Variants in FLT3 observed in about 807,000 individuals in gnomAD.
FLT3 encodes the protein receptor-type tyrosine-protein kinase FLT3.
A neutral mutation model predicts 126.6 loss-of-function variants in FLT3; 46 were observed. The ratio of observed to expected loss-of-function variants is 0.36; its 90% CI spans 0.29 to 0.46. The LOEUF is 0.46. Ranked by LOEUF, FLT3 falls within the 20% of genes least tolerant of loss-of-function variation. The pLI is 1.00. For missense variants in FLT3, 1,069 were observed against 1,190.3 expected (o/e 0.90, Z 1.50); for synonymous variants, 404 against 434.4 (o/e 0.93, Z 0.87).
At chr13:28,025,232 G>T in intron 17 of FLT3, 1 of 439,330 alleles carries the variant, frequency 2.3e-6, no homozygotes, top group South Asian at 2.4e-5. Context: ...TTTTATAAAA[G>T]AGAAATTAGG....
In FLT3 at chr13:28,027,326, G is replaced by A. The variant is rs555975351; in HGVS notation, c.2054-85C>T. 29 of 1,092,072 alleles carry A rather than the reference G, an allele frequency of 2.7e-5. No homozygotes were observed. In the Middle Eastern group the frequency reaches 1.6e-3, roughly 59 times the overall value. 67.6% of individuals were successfully genotyped at this position (1,092,072 alleles called of 1,614,324 possible). On this transcript the variant is annotated intron_variant, in intron 16 of 23. Coordinates refer to ENST00000241453, the MANE Select transcript of FLT3 (RefSeq NM_004119.3). ...CTATGTAGCAGACAACATACTCTTA[G>A]GAGGGCTTGGTTCTCTGCTGACTTG...
intron 1 of FLT3, among the ~76,000 whole-genome samples, chr13:28,089,500 T>G (rs1220721271): frequency 2.0e-5 from 3 of 151,986 alleles, no homozygotes; most frequent in Admixed American, 1.3e-4. Context: ...CTGAGGCCTA[T>G]CCATACAATA....
At chr13:28,019,038 G>A (rs1254050872) in intron 19 of FLT3, among the ~76,000 whole-genome samples, 1 of 151,218 alleles carries the variant, frequency 6.6e-6, no homozygotes, top group African/African-American at 2.4e-5. Context: ...CGTGATCTCG[G>A]CTCACTGCAA....
At chr13:28,005,443 T>G (rs886390990) in intron 23 of FLT3, among the ~76,000 whole-genome samples, 1 of 152,250 alleles carries the variant, frequency 6.6e-6, no homozygotes, top group Non-Finnish European at 1.5e-5. Flanking sequence ...TTTTGGAACC[T>G]TATTTTGAAT....
chr13:28,058,908 G>A (rs550806920), intron 3 of FLT3, among the ~76,000 whole-genome samples: 3 of 152,200 alleles, frequency 2.0e-5, no homozygotes, highest in African/African-American at 4.8e-5. Flanking sequence ...TTTGGGAGGC[G>A]AGGTAGGAGG....
chr13:28,045,868 A>G (rs1380659704), intron 9 of FLT3, among the ~76,000 whole-genome samples: 3 of 148,878 alleles, frequency 2.0e-5, no homozygotes, highest in Admixed American at 6.8e-5. Flanking sequence ...AAAAAAAAAA[A>G]AGCTTGATAT....
rs775755684 is a variant in FLT3, at chr13:28,034,366, T to G, written c.1639A>C (p.Thr547Pro). The G allele has an allele frequency of 6.2e-7, 1 of 1,613,888 alleles. No homozygotes were observed. Among genetic ancestry groups the G allele is most frequent in the Non-Finnish European group, 8.5e-7 (1 of 1,179,908 alleles). Residue 547 changes from threonine (T) to proline (P), a missense_variant, in exon 13 of 24, where the codon ACA becomes CCA. Thr to Pro is a conservative substitution (Grantham distance 38). Coordinates refer to ENST00000241453, the MANE Select transcript of FLT3 (RefSeq NM_004119.3). ...ATGAAGAGGAGACAAACACCAATTG[T>G]TGCATAGAATGAGATGTTGTCTTGG... is the stretch of plus-strand genomic sequence containing the variant. ...FIQDNISFYA[T>P]IGVCLLFIVV...
chr13:28,027,867 CAGCTTCCAAG>C (rs1318875727), intron 16 of FLT3, among the ~76,000 whole-genome samples: 1 of 152,244 alleles, frequency 6.6e-6, no homozygotes, highest in African/African-American at 2.4e-5. Context: ...GCCTGTGCAC[CAGCTTCCAAG>C]CTGGGAGAGA....
At chr13:28,025,556 C>G (rs1476375191) in intron 17 of FLT3, 1 of 312,172 alleles carries the variant, frequency 3.2e-6, no homozygotes, top group East Asian at 9.5e-5. Flanking sequence ...TTACAATTTA[C>G]ATATCTTTAG....
At chr13:28,056,922 C>CA (rs752081461) in intron 4 of FLT3, among the ~76,000 whole-genome samples, 1 of 152,168 alleles carries the variant, frequency 6.6e-6, no homozygotes, top group Non-Finnish European at 1.5e-5. Context: ...TGAGACCTTC[C>CA]AATCCTGTGA....
intron 2 of FLT3, among the ~76,000 whole-genome samples, 157 bp from the exon 3 acceptor site, chr13:28,062,226 G>A (rs1876637594): frequency 6.6e-6 from 1 of 152,000 alleles, no homozygotes; most frequent in Non-Finnish European, 1.5e-5. Context: ...CCGACTGAAG[G>A]TCCTATTAAT....
intron 23 of FLT3, among the ~76,000 whole-genome samples, chr13:28,012,955 T>C (rs1435340696): frequency 6.6e-6 from 1 of 151,572 alleles, no homozygotes; most frequent in South Asian, 2.1e-4. Context: ...AAAAAGTGTA[T>C]AGCTAGACAG....
At chr13:28,070,654 C>G (rs927969785) in intron 1 of FLT3, 42 bp from the exon 2 acceptor site, 18 of 1,478,710 alleles carry the variant, frequency 1.2e-5, no homozygotes, top group East Asian at 2.3e-5. Flanking sequence ...TACATGCACA[C>G]CTTAAAAAGA....
chr13:28,044,584 A>T (rs1354191564), intron 9 of FLT3, among the ~76,000 whole-genome samples: 3 of 152,276 alleles, frequency 2.0e-5, no homozygotes, highest in Non-Finnish European at 4.4e-5. Context: ...GGCGTGTTCA[A>T]ATTTTGTGTT....
rs997265952 is a variant in FLT3 at position 28,033,950 on chromosome 13, C to T, written c.1879G>A (p.Ala627Thr). 3 of 1,614,024 alleles carry T rather than the reference C, an allele frequency of 1.9e-6. No individual in the cohort carries two copies. The highest frequency in any genetic ancestry group is 2.5e-6 in the Non-Finnish European group (3 of 1,180,014). The change falls in exon 15 of 24, where the codon GCA becomes ACA. Residue 627 changes from alanine (A) to threonine (T), a missense_variant. Physicochemically the swap from Ala to Thr is moderately conservative, Grantham distance 58. Transcript: ENST00000241453. Reference sequence around the variant, plus strand: ...GTTTTGCTAATTCCATAAGCTGTTGCGTTCATCACTTTTCCAAAAGCACCT... The same window carrying T: ...GTTTTGCTAATTCCATAAGCTGTTGTGTTCATCACTTTTCCAAAAGCACCT... ...GSGAFGKVMN[A>T]TAYGISKTGV... is the part of the protein sequence containing the mutation.
chr13:28,009,429 G>A (rs1392965328), intron 23 of FLT3: 2 of 152,212 alleles, frequency 1.3e-5, no homozygotes, highest in East Asian at 3.9e-4. Flanking sequence ...CCTCTGTGGT[G>A]GGTTTTCCCT....
chr13:28,063,516 C>G (rs6491260), intron 2 of FLT3, among the ~76,000 whole-genome samples: 146,970 of 152,340 alleles, frequency 0.96, 71,010 homozygotes, highest in East Asian at 1. Context: ...GATATATTGA[C>G]AGCAGGGGTT....
At position 28,024,397 on chromosome 13, in the gene FLT3, C is replaced by T. The variant is rs572806312; in HGVS notation, c.2290+464G>A. On this transcript the variant is annotated intron_variant, in intron 18 of 23. Coordinates refer to ENST00000241453, the MANE Select transcript of FLT3 (RefSeq NM_004119.3). The stretch of plus-strand genomic sequence containing the variant: ...ACCTGCCTGCCTCGGCCTCCCAAGG[C>T]GTGATTACAGGCGTGAGCCACCACG... 6.6e-5 allele frequency among the ~76,000 whole-genome samples: 10 copies of T among 151,690 alleles called. No homozygotes were observed. The South Asian group carries it at 1.0e-3, about 16-fold the overall frequency.
intron 15 of FLT3, among the ~76,000 whole-genome samples, chr13:28,030,601 C>T (rs921600831): frequency 4.6e-5 from 7 of 152,186 alleles, no homozygotes; most frequent in African/African-American, 7.2e-5. Context: ...GGTCCCCGCG[C>T]CTCTAATCCC....
Sources: allele counts gnomAD v4.1 joint callset (sites outside exome capture counted in the v4.1 genomes callset), GRCh38; gene constraint gnomAD v4.1.1; transcripts MANE v1.5; gene names NCBI Gene and HGNC (gene_info 2026-07-23, HGNC 2026-07-21).